Variants in MZT1 observed in about 807,000 individuals in gnomAD.
MZT1 encodes mitotic-spindle organizing protein 1.
A neutral mutation model predicts 8.5 loss-of-function variants in MZT1; 8 were observed. The observed-to-expected ratio is 0.94, with a 90% confidence interval of 0.55 to 1.70. The LOEUF (loss-of-function observed/expected upper bound fraction) is 1.70. Among genes scored for constraint, MZT1 ranks in the 40% most tolerant of loss-of-function variants. MZT1 has a pLI of 0.00. For synonymous variants in MZT1, 38 were observed against 42.0 expected, an observed-to-expected ratio of 0.90 and a Z score of 0.37; for missense variants, 93 against 108.6, an observed-to-expected ratio of 0.86 and a Z score of 0.64.
At chr13:72,718,274 T>C (rs563925105) in intron 2 of MZT1, among the ~76,000 whole-genome samples, 4 of 152,304 alleles carry the variant, frequency 2.6e-5, no homozygotes, top group Admixed American at 6.5e-5. Flanking sequence ...TGGGTTAGGA[T>C]CTACCCTAAT....
chr13:72,721,137 T>C (rs1419093018), intron 1 of MZT1, among the ~76,000 whole-genome samples: 1 of 152,220 alleles, frequency 6.6e-6, no homozygotes, highest in Non-Finnish European at 1.5e-5. Flanking sequence ...CTTAGAATTT[T>C]ACTTAGGTAC....
At chr13:72,712,794 T>C (rs1309346405) in intron 2 of MZT1, among the ~76,000 whole-genome samples, 1 of 152,186 alleles carries the variant, frequency 6.6e-6, no homozygotes, top group African/African-American at 2.4e-5. Context: ...CTGGTTCTCT[T>C]ATATGCACTC....
chr13:72,723,781 C>T (rs566275218), intron 1 of MZT1, among the ~76,000 whole-genome samples: 2 of 152,226 alleles, frequency 1.3e-5, no homozygotes, highest in Non-Finnish European at 2.9e-5. Context: ...TATGGTCCCA[C>T]TCCTCACAGA....
At chr13:72,726,702 T>C (rs2032664315) in intron 1 of MZT1, among the ~76,000 whole-genome samples, 2 of 151,298 alleles carry the variant, frequency 1.3e-5, no homozygotes, top group Non-Finnish European at 2.9e-5. Flanking sequence ...GGTTGTCTTA[T>C]TTAAATATTC....
At position 72,710,206 on chromosome 13, in the gene MZT1, G is replaced by T; in HGVS notation, c.*116C>A. 1.9e-6 allele frequency: 2 copies of T among 1,061,916 alleles called. No individual in the cohort carries two copies. Among genetic ancestry groups the T allele is most frequent in the Non-Finnish European group, 2.8e-6 (2 of 716,664 alleles). The allele number at this position is 1,061,916 out of a possible 1,614,324, so 65.8% of individuals were successfully genotyped here. On this transcript the variant is annotated 3_prime_UTR_variant, in exon 3 of 3. Transcript: ENST00000377818. ...TATGGTTTTATAATTCTTTTAAAAAGTAAAATTTTTCTACACTGCTGCATG... is the reference window on the plus strand; with the variant it reads ...TATGGTTTTATAATTCTTTTAAAAATTAAAATTTTTCTACACTGCTGCATG...
chr13:72,718,551 C>A lies in MZT1; in HGVS notation c.225+401G>T, dbSNP rs1477607823. On this transcript the variant is annotated intron_variant, in intron 2 of 2. Transcript: ENST00000377818. ...AGTGCAGTGTCGCCAACTTGGCTCA[C>A]TGCAAGCTCCGCGCCTCCTGGGTTC... 9.9e-5 allele frequency among the ~76,000 whole-genome samples: 15 copies of A among 152,112 alleles called. No homozygotes were observed. The East Asian group carries it at 1.4e-3, about 14-fold the overall frequency.
chr13:72,720,548 A>G (rs955429561), intron 1 of MZT1, among the ~76,000 whole-genome samples: 1 of 152,210 alleles, frequency 6.6e-6, no homozygotes, highest in Non-Finnish European at 1.5e-5. Context: ...TTCATGAGAT[A>G]GGTCCCTCCC....
At chr13:72,720,957 C>T (rs1247265169) in intron 1 of MZT1, among the ~76,000 whole-genome samples, 1 of 151,846 alleles carries the variant, frequency 6.6e-6, no homozygotes, top group Admixed American at 6.6e-5. Context: ...GTCTTTCATG[C>T]CTCTACTAAA....
chr13:72,720,985 G>A (rs866767309), intron 1 of MZT1, among the ~76,000 whole-genome samples: 1 of 152,068 alleles, frequency 6.6e-6, no homozygotes, highest in Non-Finnish European at 1.5e-5. Context: ...GAGATATGGA[G>A]TATAGTTCTG....
intron 1 of MZT1, among the ~76,000 whole-genome samples, chr13:72,721,885 T>C (rs2032596613): frequency 6.6e-6 from 1 of 152,228 alleles, no homozygotes; most frequent in African/African-American, 2.4e-5. Context: ...TCAGTTTTGA[T>C]ATTCCAATTT....
intron 1 of MZT1, among the ~76,000 whole-genome samples, chr13:72,726,326 G>A (rs954290602): frequency 6.6e-6 from 1 of 152,142 alleles, no homozygotes; most frequent in African/African-American, 2.4e-5. Context: ...AGCTACTCCA[G>A]AGGCTGAGGC....
intron 2 of MZT1, among the ~76,000 whole-genome samples, chr13:72,712,803 T>G (rs1315206011): frequency 3.3e-5 from 5 of 152,186 alleles, no homozygotes; most frequent in Non-Finnish European, 7.3e-5. Flanking sequence ...TTATATGCAC[T>G]CAAACTGTAG....
chr13:72,724,059 A>C (rs115766717), intron 1 of MZT1, among the ~76,000 whole-genome samples: 9 of 152,228 alleles, frequency 5.9e-5, no homozygotes, highest in Admixed American at 5.9e-4. Context: ...TGGTCCCTAC[A>C]CTAGAGGGAA....
At chr13:72,719,210 G>T in intron 1 of MZT1, 113 bp from the exon 2 acceptor site, 1 of 823,618 alleles carries the variant, frequency 1.2e-6, no homozygotes, top group Non-Finnish European at 1.7e-6. Context: ...AATTAGCATA[G>T]CATCCCAGGT....
intron 1 of MZT1, among the ~76,000 whole-genome samples, chr13:72,725,326 C>G (rs74094509): frequency 6.6e-6 from 1 of 152,042 alleles, no homozygotes; most frequent in Non-Finnish European, 1.5e-5. Context: ...TCATGCAGAC[C>G]TTATTCTAAA....
intron 1 of MZT1, among the ~76,000 whole-genome samples, chr13:72,723,426 T>C (rs1240385603): frequency 6.6e-6 from 1 of 152,178 alleles, no homozygotes; most frequent in African/African-American, 2.4e-5. Flanking sequence ...ACTTATTAAG[T>C]ACTGACATAA....
chr13:72,723,154 A>G (rs1322176496), intron 1 of MZT1, among the ~76,000 whole-genome samples: 8 of 152,108 alleles, frequency 5.3e-5, no homozygotes, highest in Admixed American at 4.6e-4. Context: ...GGCTATGCTT[A>G]TTCCTGACTT....
intron 2 of MZT1, among the ~76,000 whole-genome samples, chr13:72,718,689 C>G (rs2032562242): frequency 6.6e-6 from 1 of 151,954 alleles, no homozygotes; most frequent in African/African-American, 2.4e-5. Flanking sequence ...CTGTGTTAGC[C>G]AGGATGGTTT....
intron 2 of MZT1, among the ~76,000 whole-genome samples, chr13:72,711,352 C>A (rs1245127276): frequency 6.6e-6 from 1 of 152,116 alleles, no homozygotes; most frequent in Non-Finnish European, 1.5e-5. Context: ...CTATTTATGG[C>A]TGTTGAGTAA....
Sources: allele counts gnomAD v4.1 joint callset (sites outside exome capture counted in the v4.1 genomes callset), GRCh38; gene constraint gnomAD v4.1.1; transcripts MANE v1.5; gene names NCBI Gene and HGNC (gene_info 2026-07-23, HGNC 2026-07-21).